The following DCDC2 variants were observed in gnomAD, a reference collection of about 807,000 sequenced individuals.
DCDC2 encodes doublecortin domain-containing protein 2.
Under a neutral mutation model 50.2 loss-of-function variants are expected in DCDC2, and 40 were observed. The ratio of observed to expected loss-of-function variants is 0.80; its 90% CI spans 0.62 to 1.04. DCDC2 has a LOEUF of 1.04. DCDC2 is among the 50% of genes least tolerant of loss of function. DCDC2 has a pLI of 0.00. For missense variants in DCDC2, 570 were observed against 581.9 expected (o/e 0.98, Z 0.21); for synonymous variants, 234 against 210.6 (o/e 1.11, Z -0.96).
intron 7 of DCDC2, among the ~76,000 whole-genome samples, chr6:24,264,845 A>G (rs1763084939): frequency 6.6e-6 from 1 of 152,010 alleles, no homozygotes; most frequent in Non-Finnish European, 1.5e-5. Flanking sequence ...AAAAAAAAAA[A>G]GAGACCTGAC....
At position 24,358,013 on chromosome 6, in the gene DCDC2, C is replaced by A; in HGVS notation, c.-263G>T. ...CAATCAGGACCCGCAGTGCGCGCACCACACCAGGTTCACCTGCTACGGGCA... is the reference window on the plus strand; with the variant it reads ...CAATCAGGACCCGCAGTGCGCGCACAACACCAGGTTCACCTGCTACGGGCA... On this transcript the variant is annotated 5_prime_UTR_variant, in exon 1 of 10. Transcript: ENST00000378454. 1 of 1,300,232 alleles carries A rather than the reference C, an allele frequency of 7.7e-7. No individual in the cohort carries two copies. Among genetic ancestry groups the A allele is most frequent in the Non-Finnish European group, 1.0e-6 (1 of 965,248 alleles). The allele number at this position is 1,300,232 out of a possible 1,614,324, so 80.5% of individuals were successfully genotyped here.
chr6:24,351,301 A>C (rs1561784671), intron 2 of DCDC2, among the ~76,000 whole-genome samples: 1 of 152,176 alleles, frequency 6.6e-6, no homozygotes, highest in South Asian at 2.1e-4. Context: ...ATGTGAAGTG[A>C]GGGAAGTGAA....
In DCDC2 at chr6:24,181,420, G is replaced by A. The variant is rs145710167; in HGVS notation, c.1024-2788C>T. On this transcript the variant is annotated intron_variant, in intron 8 of 9. Coordinates refer to ENST00000378454, the MANE Select transcript of DCDC2 (RefSeq NM_016356.5). Reference sequence around the variant, plus strand: ...AAGCTAAGTAAGGCACTGAGATACAGACACTTGAGGTGATAAGGAGAGGAG... The same window carrying A: ...AAGCTAAGTAAGGCACTGAGATACAAACACTTGAGGTGATAAGGAGAGGAG... Among the ~76,000 whole-genome samples the A allele has an allele frequency of 2.4e-4, 36 of 152,308 alleles. No individual in the cohort carries two copies. The East Asian group carries it at 6.6e-3, about 28-fold the overall frequency.
intron 7 of DCDC2, among the ~76,000 whole-genome samples, chr6:24,276,035 A>G (rs1347953517): frequency 2.0e-5 from 3 of 151,620 alleles, no homozygotes; most frequent in Non-Finnish European, 4.4e-5. Context: ...GTGCCCCACT[A>G]ATTTTTTTTA....
intron 4 of DCDC2, among the ~76,000 whole-genome samples, chr6:24,295,036 T>C (rs1351794581): frequency 2.0e-5 from 3 of 152,028 alleles, no homozygotes; most frequent in Non-Finnish European, 2.9e-5. Flanking sequence ...CACGCCAAGT[T>C]TGTTGTCCTT....
chr6:24,215,654 G>A (rs767100151), intron 7 of DCDC2, among the ~76,000 whole-genome samples: 22 of 152,180 alleles, frequency 1.4e-4, no homozygotes, highest in Non-Finnish European at 3.1e-4. Context: ...TAAAATTGGA[G>A]ATCAGTGAGG....
intron 8 of DCDC2, among the ~76,000 whole-genome samples, chr6:24,184,292 G>A (rs1245562615): frequency 6.6e-6 from 1 of 152,130 alleles, no homozygotes; most frequent in Admixed American, 6.5e-5. Context: ...CTGACCTGAG[G>A]CTGGGCATGG....
At chr6:24,192,892 T>TA (rs1183585662) in intron 8 of DCDC2, among the ~76,000 whole-genome samples, 1 of 151,586 alleles carries the variant, frequency 6.6e-6, no homozygotes, top group African/African-American at 2.4e-5. Flanking sequence ...TTTTAAGAAT[T>TA]AAAAAGCCCA....
intron 2 of DCDC2, 39 bp downstream of exon 2, chr6:24,353,530 C>CAA: frequency 1.5e-6 from 2 of 1,291,804 alleles, no homozygotes; most frequent in Non-Finnish European, 2.2e-6. Context: ...CAAATGGCAC[C>CAA]GTTATTTATT....
intron 2 of DCDC2, among the ~76,000 whole-genome samples, chr6:24,327,218 G>A (rs1759885968): frequency 6.7e-6 from 1 of 149,488 alleles, no homozygotes; most frequent in African/African-American, 2.4e-5. Context: ...AGGAAACTGA[G>A]GCCACGGGCC....
intron 7 of DCDC2, among the ~76,000 whole-genome samples, chr6:24,233,643 A>G (rs1017268275): frequency 1.3e-5 from 2 of 152,210 alleles, no homozygotes; most frequent in African/African-American, 4.8e-5. Flanking sequence ...CTCTTTTTAA[A>G]ATTGTCTGTA....
intron 8 of DCDC2, among the ~76,000 whole-genome samples, chr6:24,190,470 T>C (rs1247104051): frequency 1.3e-5 from 2 of 152,114 alleles, no homozygotes; most frequent in South Asian, 2.1e-4. Flanking sequence ...ATGGCACATG[T>C]ATACGTATGT....
chr6:24,290,278 C>T (rs898890093), intron 5 of DCDC2, among the ~76,000 whole-genome samples: 1 of 151,744 alleles, frequency 6.6e-6, no homozygotes, highest in Middle Eastern at 3.4e-3. Context: ...CAGGCGTGAG[C>T]CACCGCGCCC....
upstream of DCDC2, among the ~76,000 whole-genome samples, chr6:24,358,979 C>CATTATAT (rs1561788709): frequency 3.9e-5 from 1 of 25,368 alleles, no homozygotes; most frequent in Non-Finnish European, 6.1e-5. Flanking sequence ...ATATTTTATA[C>CATTATAT]ATTATATATT....
intron 2 of DCDC2, among the ~76,000 whole-genome samples, chr6:24,310,818 T>C (rs1759557888): frequency 6.6e-6 from 1 of 152,228 alleles, no homozygotes; most frequent in Non-Finnish European, 1.5e-5. Flanking sequence ...CCTGCATTTT[T>C]TTTCAAAGCA....
rs1292325100 is a variant in DCDC2, at chr6:24,218,084, T to G, written c.923-12982A>C. 1.1e-3 allele frequency among the ~76,000 whole-genome samples: 3 copies of G among 2,654 alleles called. No homozygotes were observed. In the Non-Finnish European group the frequency reaches 0.048, roughly 43 times the overall value. 1.7% of individuals were successfully genotyped at this position (2,654 alleles called of 152,430 possible). ...TTAAGATGATGACCTAACACAAATA[T>G]GCCTATATCAGCAATTGACACAAAC... On this transcript the variant is annotated intron_variant, in intron 7 of 9. Transcript: ENST00000378454.
intron 8 of DCDC2, among the ~76,000 whole-genome samples, chr6:24,180,895 T>C (rs1242746392): frequency 6.6e-6 from 1 of 152,196 alleles, no homozygotes; most frequent in Non-Finnish European, 1.5e-5. Context: ...ACATTATTTT[T>C]AAGAAGAAAG....
chr6:24,372,945 AC>A, the DCDC2 span, among the ~76,000 whole-genome samples: 3 of 152,226 alleles, frequency 2.0e-5, no homozygotes, highest in Admixed American at 6.5e-5. Context: ...AAAGAAAAAA[AC>A]ATTTGAATAG....
At chr6:24,183,309 T>C (rs1761125449) in intron 8 of DCDC2, among the ~76,000 whole-genome samples, 1 of 152,100 alleles carries the variant, frequency 6.6e-6, no homozygotes, top group Non-Finnish European at 1.5e-5. Flanking sequence ...CCATTATGAG[T>C]ATATTACCAC....
Sources: gnomAD v4.1 joint callset for allele counts (sites outside exome capture counted in the v4.1 genomes callset) on GRCh38, gnomAD v4.1.1 for gene constraint, MANE v1.5 for transcripts, NCBI Gene and HGNC (gene_info 2026-07-23, HGNC 2026-07-21) for gene names.